Variants in FHOD3 observed in about 807,000 individuals in gnomAD.
FHOD3 encodes FH1/FH2 domain-containing protein 3.
A neutral mutation model predicts 173.0 loss-of-function variants in FHOD3; 90 were observed. That is an observed-to-expected ratio of 0.52 (90% CI 0.44 to 0.62). The LOEUF is 0.62. Ranked by LOEUF, FHOD3 falls within the 20% of genes least tolerant of loss-of-function variation. FHOD3 has a pLI of 0.00. For synonymous variants in FHOD3, 828 were observed against 823.0 expected (o/e 1.01, Z -0.10); for missense variants, 1,945 against 2,034.7 (o/e 0.96, Z 0.85).
At chr18:36,688,236 T>C (rs897859567) in intron 16 of FHOD3, among the ~76,000 whole-genome samples, 3 of 152,192 alleles carry the variant, frequency 2.0e-5, no homozygotes, top group African/African-American at 7.2e-5. Context: ...GGTGACTGCA[T>C]GGAGAGATGG....
chr18:36,545,987 A>G lies in FHOD3; in HGVS notation c.512-30464A>G, dbSNP rs115219029. ...TTCTTTCCTAGAGAGAACCCTCCAC[A>G]TGTAATGTACGGCTTGCCGTTTGGA... On this transcript the variant is annotated intron_variant, in intron 5 of 28. Transcript: ENST00000590592. 8.0e-3 allele frequency among the ~76,000 whole-genome samples: 1,222 copies of G among 152,370 alleles called. 13 individuals are homozygous for G. The highest frequency in any genetic ancestry group is 0.028 in the African/African-American group (1,160 of 41,586).
intron 3 of FHOD3, among the ~76,000 whole-genome samples, chr18:36,500,586 T>C (rs1458935761): frequency 6.6e-6 from 1 of 152,254 alleles, no homozygotes; most frequent in Admixed American, 6.5e-5. Context: ...GTACACATGC[T>C]TAATTTAACA....
At chr18:36,299,608 C>T (rs540867036) in intron 1 of FHOD3, among the ~76,000 whole-genome samples, 13 of 152,108 alleles carry the variant, frequency 8.5e-5, no homozygotes, top group Non-Finnish European at 1.5e-4. Context: ...TTCATGTTTC[C>T]ATGGAACAGC....
At chr18:36,359,512 G>A (rs1362313181) in intron 2 of FHOD3, among the ~76,000 whole-genome samples, 5 of 150,144 alleles carry the variant, frequency 3.3e-5, no homozygotes, top group African/African-American at 1.0e-4. Flanking sequence ...TTTTCCTGAC[G>A]TTGTCATTGT....
intron 3 of FHOD3, among the ~76,000 whole-genome samples, chr18:36,482,908 T>G (rs2054006614): frequency 6.8e-6 from 1 of 147,756 alleles, no homozygotes; most frequent in Admixed American, 6.7e-5. Flanking sequence ...GAGAACATTG[T>G]AGACTACCTG....
chr18:36,350,125 A>G (rs2046053291), intron 1 of FHOD3, among the ~76,000 whole-genome samples: 1 of 152,034 alleles, frequency 6.6e-6, no homozygotes, highest in Non-Finnish European at 1.5e-5. Context: ...AGTCAAAAGA[A>G]CCCCAGAGTG....
At position 36,755,133 on chromosome 18, in the gene FHOD3, T is replaced by C; in HGVS notation, c.4247T>C (p.Leu1416Ser). 6.3e-7 allele frequency: 1 copy of C among 1,594,178 alleles called. No homozygotes were observed. ...RRIINRFHSF[L>S]LFMGHPPYAI... ...TTTCCTTGCAGATTCCACTCCTTTTTACTCTTTATGGGCCATCCACCTTAT... is the reference window on the plus strand; with the variant it reads ...TTTCCTTGCAGATTCCACTCCTTTTCACTCTTTATGGGCCATCCACCTTAT... The change falls in exon 25 of 29, where the codon TTA becomes TCA. Residue 1416 changes from leucine to serine, a missense_variant. By Grantham distance (145) the Leu-to-Ser change is moderately radical. Around this residue, in one of 5 missense-constraint regions of FHOD3, gnomAD observed 354 missense variants for 359.9 expected, o/e 0.98. Coordinates refer to ENST00000590592, the MANE Select transcript of FHOD3 (RefSeq NM_001281740.3).
chr18:36,759,013 C>A, intron 25 of FHOD3, 105 bp from the exon 26 acceptor site: 1 of 1,284,414 alleles, frequency 7.8e-7, no homozygotes, highest in Non-Finnish European at 1.1e-6. Context: ...AGTTTATTTA[C>A]TTGGAATTTT....
At chr18:36,464,156 TG>T (rs2052763829) in intron 3 of FHOD3, among the ~76,000 whole-genome samples, 1 of 152,206 alleles carries the variant, frequency 6.6e-6, no homozygotes, top group Non-Finnish European at 1.5e-5. Flanking sequence ...ATAATTCTTT[TG>T]GGAAACATGC....
chr18:36,472,993 C>T (rs1166750527), intron 3 of FHOD3, among the ~76,000 whole-genome samples: 1 of 152,230 alleles, frequency 6.6e-6, no homozygotes, highest in Non-Finnish European at 1.5e-5. Context: ...ACAACAGCTC[C>T]TTTGACATGA....
rs1020613669 is a variant in FHOD3 at position 36,778,383 on chromosome 18, G to A, written c.4787-1065G>A. The A allele has an allele frequency of 4.6e-5, 7 of 152,288 alleles. No homozygotes were observed. In the South Asian group the frequency reaches 6.2e-4, roughly 14 times the overall value. The allele number at this position is 152,288 out of a possible 1,614,324, so 9.4% of individuals were successfully genotyped here. On this transcript the variant is annotated intron_variant, in intron 28 of 28. Transcript: ENST00000590592. ...TTTAGGGTGAAGGCAGATCCATAAC[G>A]TTTCTCTTCTGAAAATGAATACCCC...
chr18:36,709,711 C>G (rs2040067733), intron 18 of FHOD3: 1 of 323,838 alleles, frequency 3.1e-6, no homozygotes, highest in Non-Finnish European at 5.7e-6. Flanking sequence ...CTCTCACTTC[C>G]CCCTGACTGT....
chr18:36,697,165 A>G (rs1353081863), intron 17 of FHOD3, among the ~76,000 whole-genome samples: 1 of 152,196 alleles, frequency 6.6e-6, no homozygotes, highest in Non-Finnish European at 1.5e-5. Flanking sequence ...TCTTATCACA[A>G]TTTATGTCAG....
At chr18:36,668,098 T>G (rs1425704107) in intron 14 of FHOD3, among the ~76,000 whole-genome samples, 3 of 152,038 alleles carry the variant, frequency 2.0e-5, no homozygotes, top group African/African-American at 4.8e-5. Flanking sequence ...GTACTAGCTC[T>G]TCCTTAAATA....
intron 1 of FHOD3, among the ~76,000 whole-genome samples, chr18:36,304,258 C>T (rs192293403): frequency 4.0e-4 from 61 of 152,266 alleles, no homozygotes; most frequent in Non-Finnish European, 7.6e-4. Flanking sequence ...GAGATACATA[C>T]TGAAATTATA....
At chr18:36,731,053 A>ACTATC (rs1332749388) in intron 20 of FHOD3, among the ~76,000 whole-genome samples, 1 of 152,124 alleles carries the variant, frequency 6.6e-6, no homozygotes, top group Non-Finnish European at 1.5e-5. Flanking sequence ...CCTACCTCAA[A>ACTATC]ATGGAAGAAG....
At chr18:36,642,540 G>A (rs1228847794) in intron 10 of FHOD3, among the ~76,000 whole-genome samples, 2 of 134,688 alleles carry the variant, frequency 1.5e-5, no homozygotes, top group East Asian at 2.2e-4. Flanking sequence ...CCGAGAGAGC[G>A]CCGCTGCACT....
At chr18:36,508,466 A>G (rs1391433236) in intron 4 of FHOD3, among the ~76,000 whole-genome samples, 2 of 152,172 alleles carry the variant, frequency 1.3e-5, no homozygotes, top group Non-Finnish European at 2.9e-5. Context: ...CAAGAAAGCT[A>G]TTGAATAGTC....
At chr18:36,661,122 GA>G (rs954658957) in intron 14 of FHOD3, among the ~76,000 whole-genome samples, 4,908 of 144,230 alleles carry the variant, frequency 0.034, 267 homozygotes, top group African/African-American at 0.11. Flanking sequence ...GTAAGTGGGG[GA>G]AAAAAAAAAA....
Sources: gnomAD v4.1 joint callset for allele counts (sites outside exome capture counted in the v4.1 genomes callset) on GRCh38, gnomAD v4.1.1 for gene constraint, gnomAD v4.1.1 regional missense constraint, MANE v1.5 for transcripts, NCBI Gene and HGNC (gene_info 2026-07-23, HGNC 2026-07-21) for gene names.